The following CCSER1 variants were observed in gnomAD, a reference collection of about 807,000 sequenced individuals.
CCSER1 encodes coiled-coil serine rich protein 1, also known as serine-rich coiled-coil domain-containing protein 1.
In CCSER1, 41 loss-of-function variants were observed where a neutral mutation model predicts 82.0. The ratio of observed to expected loss-of-function variants is 0.50; its 90% CI spans 0.39 to 0.65. The LOEUF is 0.65. Among genes scored for constraint, CCSER1 ranks in the 30% least tolerant of loss-of-function variants. The pLI, the probability that CCSER1 is intolerant of heterozygous loss-of-function variation, is 0.00. For synonymous variants in CCSER1, 414 were observed against 383.9 expected (o/e 1.08, Z -0.92); for missense variants, 1,119 against 1,064.2 (o/e 1.05, Z -0.72).
chr4:90,131,036 C>T (rs561216684), intron 1 of CCSER1, among the ~76,000 whole-genome samples: 2 of 152,146 alleles, frequency 1.3e-5, no homozygotes, highest in East Asian at 1.9e-4. Context: ...TCGTTCTTGT[C>T]GCCCAGGCTG....
At chr4:90,427,358 C>T (rs1315666256) in intron 4 of CCSER1, among the ~76,000 whole-genome samples, 2 of 151,654 alleles carry the variant, frequency 1.3e-5, no homozygotes, top group Non-Finnish European at 3.0e-5. Context: ...ACTGATGGTA[C>T]ATCACTAAGT....
At chr4:91,315,313 G>C (rs1418185681) in intron 10 of CCSER1, among the ~76,000 whole-genome samples, 1 of 151,866 alleles carries the variant, frequency 6.6e-6, no homozygotes, top group Non-Finnish European at 1.5e-5. Context: ...TGGTCACAGA[G>C]ATAAGAGCAT....
intron 7 of CCSER1, among the ~76,000 whole-genome samples, chr4:90,785,362 G>A (rs1754357352): frequency 6.6e-6 from 1 of 152,138 alleles, no homozygotes; most frequent in Admixed American, 6.5e-5. Context: ...TCAACTGTAT[G>A]TAGTTTTCTT....
intron 9 of CCSER1, among the ~76,000 whole-genome samples, chr4:90,954,300 T>A (rs1733210810): frequency 6.6e-6 from 1 of 152,064 alleles, no homozygotes; most frequent in Admixed American, 6.6e-5. Flanking sequence ...TATGTATTCC[T>A]TCTCTCCAAA....
At chr4:90,936,574 A>G (rs746744358) in intron 9 of CCSER1, among the ~76,000 whole-genome samples, 1 of 152,148 alleles carries the variant, frequency 6.6e-6, no homozygotes, top group Non-Finnish European at 1.5e-5. Context: ...TGTGTCTCTG[A>G]ACATATTCAG....
intron 10 of CCSER1, among the ~76,000 whole-genome samples, chr4:91,460,499 A>T (rs1417511247): frequency 6.6e-6 from 1 of 152,146 alleles, no homozygotes; most frequent in East Asian, 1.9e-4. Context: ...GTACCCAGGA[A>T]GAAGAGAAAC....
intron 1 of CCSER1, among the ~76,000 whole-genome samples, chr4:90,243,972 TC>T (rs1720932610): frequency 6.6e-6 from 1 of 152,172 alleles, no homozygotes. Flanking sequence ...AAACTTTGCT[TC>T]TTAACTAGAA....
chr4:90,501,268 G>T (rs1769827315), intron 5 of CCSER1, among the ~76,000 whole-genome samples: 1 of 152,082 alleles, frequency 6.6e-6, no homozygotes, highest in Non-Finnish European at 1.5e-5. Flanking sequence ...TAGAATGTTG[G>T]CTAAGTAGCT....
At position 90,425,915 on chromosome 4, in the gene CCSER1, A is replaced by AT. The variant is rs201922828; in HGVS notation, c.1603+25794dup. Among the ~76,000 whole-genome samples the AT allele has an allele frequency of 2.3e-3, 343 of 151,614 alleles. 1 individual carries two copies. The highest frequency in any genetic ancestry group is 7.8e-3 in the African/African-American group (320 of 41,170). ...AGCATACAGTCTAATGGAAGATTCT[A>AT]TTTTTTTTAAAAAAAAAACGTTAAT... On this transcript the variant is annotated intron_variant, in intron 4 of 10. Transcript: ENST00000509176.
In CCSER1 at chr4:91,601,000, A is replaced by G. The variant is rs1480141615; in HGVS notation, c.*1943A>G. On this transcript the variant is annotated 3_prime_UTR_variant, in exon 11 of 11. Transcript: ENST00000509176. ...AAAAATCATGATTATTAATTGTGGA[A>G]TTCAGCTTGATTTGTCCTAAATGTT... 1 of 152,122 alleles carries G rather than the reference A, an allele frequency of 6.6e-6. No individual in the cohort carries two copies. The highest frequency in any genetic ancestry group is 6.6e-5 in the Admixed American group (1 of 15,236). The allele number at this position is 152,122 out of a possible 1,614,324, so 9.4% of individuals were successfully genotyped here.
At chr4:90,261,493 G>T (rs975546685) in intron 1 of CCSER1, among the ~76,000 whole-genome samples, 1 of 152,154 alleles carries the variant, frequency 6.6e-6, no homozygotes, top group Admixed American at 6.5e-5. Flanking sequence ...CTTTTCCTCT[G>T]TGGGTTACCT....
At chr4:90,310,827 A>G (rs1359733963) in intron 2 of CCSER1, among the ~76,000 whole-genome samples, 1 of 152,116 alleles carries the variant, frequency 6.6e-6, no homozygotes, top group Admixed American at 6.6e-5. Flanking sequence ...GTTTATCCAT[A>G]AACATAGAAT....
chr4:91,590,715 C>T (rs1764223833), intron 10 of CCSER1, among the ~76,000 whole-genome samples: 1 of 151,910 alleles, frequency 6.6e-6, no homozygotes. Flanking sequence ...TTTTTAAATG[C>T]TTTCATTGTG....
intron 10 of CCSER1, among the ~76,000 whole-genome samples, chr4:91,463,835 C>G (rs1237018903): frequency 6.6e-6 from 1 of 152,084 alleles, no homozygotes; most frequent in Admixed American, 6.5e-5. Context: ...ACAAAGCCTC[C>G]AAGAAATATG....
chr4:90,487,192 G>A (rs1219902092), intron 5 of CCSER1, among the ~76,000 whole-genome samples: 4 of 152,170 alleles, frequency 2.6e-5, no homozygotes, highest in East Asian at 1.9e-4. Context: ...GATTACAGGC[G>A]TGAGCCACTG....
intron 3 of CCSER1, among the ~76,000 whole-genome samples, chr4:90,340,404 T>G (rs1741182240): frequency 6.6e-6 from 1 of 152,216 alleles, no homozygotes; most frequent in African/African-American, 2.4e-5. Context: ...ACTTTTGTTT[T>G]CTTAAAAAAA....
At chr4:91,431,432 G>A (rs1026860291) in intron 10 of CCSER1, among the ~76,000 whole-genome samples, 3 of 152,104 alleles carry the variant, frequency 2.0e-5, no homozygotes, top group African/African-American at 7.2e-5. Flanking sequence ...TAAAGAGAGT[G>A]TTTTCACACA....
chr4:90,325,476 G>A (rs1156890176), intron 3 of CCSER1: 6 of 177,214 alleles, frequency 3.4e-5, no homozygotes, highest in South Asian at 1.1e-4. Context: ...ATTTTTAATT[G>A]GATCAGTTAA....
chr4:90,393,586 C>A (rs1751510864), intron 3 of CCSER1, among the ~76,000 whole-genome samples: 1 of 151,854 alleles, frequency 6.6e-6, no homozygotes, highest in South Asian at 2.1e-4. Flanking sequence ...TCAAATATTG[C>A]CCTTAGATAT....
Sources: gnomAD v4.1 joint callset for allele counts (sites outside exome capture counted in the v4.1 genomes callset) on GRCh38, gnomAD v4.1.1 for gene constraint, MANE v1.5 for transcripts, NCBI Gene and HGNC (gene_info 2026-07-23, HGNC 2026-07-21) for gene names.